The following AFG2B variants were observed in gnomAD, a reference collection of about 807,000 sequenced individuals.
AFG2B encodes AAA ATPase AFG2B, also known as ATPase family gene 2 protein homolog B.
the AFG2B span, among the ~76,000 whole-genome samples, chr15:45,412,533 C>T: frequency 6.6e-6 from 1 of 152,242 alleles, no homozygotes; most frequent in Non-Finnish European, 1.5e-5. Flanking sequence ...AGCACCAAAG[C>T]AGCTGTAGAC....
the AFG2B span, among the ~76,000 whole-genome samples, chr15:45,415,395 G>A: frequency 6.6e-6 from 1 of 151,244 alleles, no homozygotes; most frequent in East Asian, 1.9e-4. Context: ...CTACTCGAGA[G>A]ACTGAGGCAC....
At chr15:45,405,426 T>C in the AFG2B span, 1 of 1,614,184 alleles carries the variant, frequency 6.2e-7, no homozygotes, top group Non-Finnish European at 8.5e-7. Flanking sequence ...CTTGCAGAAA[T>C]GACAGTTGGC....
the AFG2B span, among the ~76,000 whole-genome samples, chr15:45,409,182 C>A: frequency 1.3e-5 from 2 of 152,006 alleles, no homozygotes; most frequent in Admixed American, 1.3e-4. Flanking sequence ...TCAAGACCAG[C>A]CTGGCCAACA....
chr15:45,412,222 G>A, the AFG2B span, among the ~76,000 whole-genome samples: 8 of 151,346 alleles, frequency 5.3e-5, no homozygotes, highest in African/African-American at 1.9e-4. Context: ...CCAACATGGT[G>A]AAACCCTGTC....
chr15:45,416,570 G>A, the AFG2B span, among the ~76,000 whole-genome samples: 1 of 152,266 alleles, frequency 6.6e-6, no homozygotes, highest in South Asian at 2.1e-4. Context: ...GTATCCACGA[G>A]GTTATCTAAT....
At chr15:45,417,508 C>A in the AFG2B span, 1 of 1,168,084 alleles carries the variant, frequency 8.6e-7, no homozygotes, top group Non-Finnish European at 1.2e-6. Context: ...TCTTCCTTGC[C>A]TGGTGGCCTT....
the AFG2B span, chr15:45,403,077 C>A: frequency 6.5e-7 from 1 of 1,531,540 alleles, no homozygotes; most frequent in Non-Finnish European, 8.7e-7. Context: ...GGGAGCTCCT[C>A]CGCCTCCCGC....
chr15:45,409,713 A>AT, the AFG2B span, among the ~76,000 whole-genome samples: 100 of 151,676 alleles, frequency 6.6e-4, no homozygotes, highest in African/African-American at 1.2e-3. Context: ...AAAAATATAT[A>AT]TATTTTTTTA....
chr15:45,408,298 T>G, the AFG2B span, among the ~76,000 whole-genome samples: 29 of 152,310 alleles, frequency 1.9e-4, no homozygotes, highest in African/African-American at 5.8e-4. Context: ...ATTCACCAAT[T>G]TTTAACTTTT....
At chr15:45,404,762 G>T in the AFG2B span, among the ~76,000 whole-genome samples, 1 of 147,554 alleles carries the variant, frequency 6.8e-6, no homozygotes. Context: ...AGCTGAGATG[G>T]TGCCCGCTGC....
the AFG2B span, chr15:45,415,479 CA>C: frequency 1.1e-6 from 1 of 945,788 alleles, no homozygotes; most frequent in Non-Finnish European, 1.5e-6. Context: ...AACTGAGCAA[CA>C]GAGCAAGACT....
At chr15:45,412,030 G>A in the AFG2B span, among the ~76,000 whole-genome samples, 1 of 148,238 alleles carries the variant, frequency 6.7e-6, no homozygotes, top group African/African-American at 2.5e-5. Context: ...CCCGGGAGGT[G>A]GAGGTTGCAG....
chr15:45,414,646 T>G, the AFG2B span: 1 of 1,614,196 alleles, frequency 6.2e-7, no homozygotes, highest in Non-Finnish European at 8.5e-7. Context: ...AGTTCTCCTC[T>G]ATGGGCCCCC....
At chr15:45,418,107 G>A in the AFG2B span, among the ~76,000 whole-genome samples, 2 of 152,098 alleles carry the variant, frequency 1.3e-5, no homozygotes, top group South Asian at 4.1e-4. Flanking sequence ...ACTTTGGGAG[G>A]CCAAGGCGGG....
the AFG2B span, chr15:45,417,437 G>T: frequency 6.2e-7 from 1 of 1,606,760 alleles, no homozygotes; most frequent in South Asian, 1.1e-5. Flanking sequence ...GAGCTCAGCA[G>T]AATTGAATTC....
At chr15:45,419,997 CAAAAAAA>C in the AFG2B span, among the ~76,000 whole-genome samples, 9 of 53,700 alleles carry the variant, frequency 1.7e-4, 1 homozygote, top group South Asian at 5.2e-3. Flanking sequence ...CCCCCCCCCC[CAAAAAAA>C]AAAAAAAAAA....
At chr15:45,414,743 C>T in the AFG2B span, 6 of 1,614,146 alleles carry the variant, frequency 3.7e-6, no homozygotes, top group South Asian at 3.3e-5. Flanking sequence ...GATCTGTTTT[C>T]ACCGTTTGTT....
chr15:45,403,184 G>A, the AFG2B span: 425,949 of 1,461,124 alleles, frequency 0.29, 70,645 homozygotes, highest in East Asian at 0.85. Flanking sequence ...CAGCTGGTGC[G>A]GGCCGTGGCG....
the AFG2B span, chr15:45,405,448 C>T: frequency 1.8e-4 from 297 of 1,614,018 alleles, 1 homozygote; most frequent in African/African-American, 2.5e-3. Context: ...ATGTTGGTGC[C>T]GACCTGACAG....
Sources: gnomAD v4.1 joint callset for allele counts (sites outside exome capture counted in the v4.1 genomes callset) on GRCh38, gnomAD v4.1.1 for gene constraint, MANE v1.5 for transcripts, NCBI Gene and HGNC (gene_info 2026-07-23, HGNC 2026-07-21) for gene names.